Variants in KCNC3 observed in about 807,000 individuals in gnomAD.
KCNC3 encodes potassium voltage-gated channel subfamily C member 3, also known as voltage-gated potassium channel KCNC3.
A neutral mutation model predicts 43.9 loss-of-function variants in KCNC3; 22 were observed. That is an observed-to-expected ratio of 0.50 (90% CI 0.36 to 0.72). The LOEUF (loss-of-function observed/expected upper bound fraction) is 0.72, where lower values mean the gene tolerates loss of function less well. Among genes scored for constraint, KCNC3 ranks in the 30% least tolerant of loss-of-function variants. KCNC3 has a pLI of 0.00. For synonymous variants in KCNC3, 492 were observed against 488.0 expected (o/e 1.01, Z -0.11); for missense variants, 829 against 1,073.8 (o/e 0.77, Z 3.19).
In KCNC3 at chr19:50,328,495, C is replaced by T; in HGVS notation, c.588G>A (p.Glu196=). The T allele has an allele frequency of 6.2e-7, 1 of 1,610,074 alleles. No homozygotes were observed. Among genetic ancestry groups the T allele is most frequent in the Non-Finnish European group, 8.5e-7 (1 of 1,179,298 alleles). ...GCGCCTCGAAGGAGTCGAGCGCCTC[C>T]TCAGCGTCGCGATGCTGCCGGTAGG... is the stretch of plus-strand genomic sequence containing the variant. The part of the protein sequence containing the change: ...WMTYRQHRDA[E]EALDSFEAPD... Residue 196 remains glutamate (E), a synonymous_variant, in exon 1 of 5, where the codon GAG becomes GAA. Coordinates refer to ENST00000477616, the MANE Select transcript of KCNC3 (RefSeq NM_004977.3).
Position 50,320,599 on chromosome 19 carries a change from G to C in KCNC3, c.2164C>G (p.Arg722Gly), listed in dbSNP as rs746943393. The C allele has an allele frequency of 1.2e-6, 2 of 1,611,512 alleles. No homozygotes were observed. The highest frequency in any genetic ancestry group is 1.7e-6 in the Non-Finnish European group (2 of 1,179,502). The change falls in exon 3 of 5, where the codon CGA becomes GGA. Residue 722 changes from arginine (R) to glycine (G), a missense_variant. Coordinates refer to ENST00000477616, the MANE Select transcript of KCNC3 (RefSeq NM_004977.3). ...AGTAGGGGGGGCACCTCACCTTTTC[G>C]GATGGAGCCATCAGGGGAAGGGGCA... ...DYAPSPDGSI[R>G]KATGAPPLPP...
intron 2 of KCNC3, among the ~76,000 whole-genome samples, chr19:50,322,429 T>C (rs891824790): frequency 5.3e-5 from 8 of 152,252 alleles, no homozygotes; most frequent in Admixed American, 2.6e-4. Context: ...TGTCTGCCTC[T>C]TGGGCTTGCT....
chr19:50,316,109 C>G lies in KCNC3; in HGVS notation c.*24-18G>C, dbSNP rs2036949331. 1 of 398,826 alleles carries G rather than the reference C, an allele frequency of 2.5e-6. No individual in the cohort carries two copies. Among genetic ancestry groups the G allele is most frequent in the Non-Finnish European group, 4.6e-6 (1 of 216,616 alleles). 24.7% of individuals were successfully genotyped at this position (398,826 alleles called of 1,614,324 possible). A position where few individuals can be genotyped will look rare whatever the true frequency, so the allele number is the denominator to read the frequency against. On this transcript the variant is annotated intron_variant, in intron 4 of 4. Transcript: ENST00000477616. The stretch of plus-strand genomic sequence containing the variant: ...GACAAGAGCTGGGGACAGAAATACA[C>G]AGAGTCACGGGGGTGGGGAGAGGAT...
At position 50,312,763 on chromosome 19, in the gene KCNC3, G is replaced by A. The variant is rs116046797; in HGVS notation, c.*3352C>T. 0.077 allele frequency: 11,721 copies of A among 152,132 alleles called. 500 individuals carry two copies. The highest frequency in any genetic ancestry group is 0.11 in the African/African-American group (4,567 of 41,458). 9.4% of individuals were successfully genotyped at this position (152,132 alleles called of 1,614,324 possible). Reference sequence around the variant, plus strand: ...CCTTTCCCCGCCTCCTTCGGCTTTCGTGAAGGTCAGGGGAAACGGGGGGGC... The same window carrying A: ...CCTTTCCCCGCCTCCTTCGGCTTTCATGAAGGTCAGGGGAAACGGGGGGGC... On this transcript the variant is annotated 3_prime_UTR_variant, in exon 5 of 5. Transcript: ENST00000477616.
At position 50,313,724 on chromosome 19, in the gene KCNC3, G is replaced by T. The variant is rs893678445; in HGVS notation, c.*2391C>A. 1 of 152,246 alleles carries T rather than the reference G, an allele frequency of 6.6e-6. No homozygotes were observed. The highest frequency in any genetic ancestry group is 2.4e-5 in the African/African-American group (1 of 41,432). 9.4% of individuals were successfully genotyped at this position (152,246 alleles called of 1,614,324 possible). A position where few individuals can be genotyped will look rare whatever the true frequency, so the allele number is the denominator to read the frequency against. ...GGTGCGGAACAGGCCTGAGGCTTTG[G>T]GGGTGTCCAAGAAATGTCAGTTGTG... On this transcript the variant is annotated 3_prime_UTR_variant, in exon 5 of 5. Transcript: ENST00000477616.
intron 3 of KCNC3, 48 bp downstream of exon 3, chr19:50,320,545 G>A: frequency 6.4e-7 from 1 of 1,552,040 alleles, no homozygotes; most frequent in Non-Finnish European, 8.8e-7. Flanking sequence ...CCCTGGGCAG[G>A]GGAGAGAGAG....
upstream of KCNC3, among the ~76,000 whole-genome samples, chr19:50,331,866 T>C (rs895259131): frequency 5.3e-5 from 8 of 152,080 alleles, no homozygotes; most frequent in African/African-American, 1.9e-4. Context: ...TGGGTCTCCG[T>C]TCCTTTTTCT....
chr19:50,313,900 C>CCTCTGTG lies in KCNC3; in HGVS notation c.*2208_*2214dup, dbSNP rs1327462599. 1 of 151,858 alleles carries CCTCTGTG rather than the reference C, an allele frequency of 6.6e-6. No homozygotes were observed. Among genetic ancestry groups the CCTCTGTG allele is most frequent in the Admixed American group, 6.6e-5 (1 of 15,230 alleles). 9.4% of individuals were successfully genotyped at this position (151,858 alleles called of 1,614,324 possible). On this transcript the variant is annotated 3_prime_UTR_variant, in exon 5 of 5. Transcript: ENST00000477616. ...TGGGGAGGGAGGGTGGTTCAGGGAGCCTCTGTGTGCAGAGGTTAAGTCGCA... is the reference window on the plus strand; with the variant it reads ...TGGGGAGGGAGGGTGGTTCAGGGAGCCTCTGTGCTCTGTGTGCAGAGGTTAAGTCGCA...
upstream of KCNC3, among the ~76,000 whole-genome samples, chr19:50,333,148 G>GC (rs958609824): frequency 5.3e-5 from 8 of 152,114 alleles, no homozygotes; most frequent in Non-Finnish European, 1.0e-4. Flanking sequence ...CTGTCTTACC[G>GC]CCCCCGGACC....
Position 50,329,063 on chromosome 19 carries a change from A to G in KCNC3, c.20T>C (p.Val7Ala). 1 of 1,259,686 alleles carries G rather than the reference A, an allele frequency of 7.9e-7. No homozygotes were observed. The highest frequency in any genetic ancestry group is 1.0e-6 in the Non-Finnish European group (1 of 985,958). 78.0% of individuals were successfully genotyped at this position (1,259,686 alleles called of 1,614,324 possible). A position where few individuals can be genotyped will look rare whatever the true frequency, so the allele number is the denominator to read the frequency against. ...CCCCTGGCGCCCGCGGAAGGACGAG[A>G]CGCAGACTGAGCTCAGCATTGGACG... is the stretch of plus-strand genomic sequence containing the variant. MLSSVC[V>A]SSFRGRQGAS... Residue 7 changes from valine to alanine, a missense_variant, in exon 1 of 5, where the codon GTC becomes GCC. This residue lies in a region of KCNC3 where 129 missense variants were observed against 83.6 expected (regional missense o/e 1.54). Transcript: ENST00000477616.
rs2036929293 is a variant in KCNC3 at position 50,315,023 on chromosome 19, G to A, written c.*1092C>T. The A allele has an allele frequency of 4.0e-6, 1 of 248,954 alleles. No homozygotes were observed. The highest frequency in any genetic ancestry group is 3.6e-5 in the South Asian group (1 of 27,764). The allele number at this position is 248,954 out of a possible 1,614,324, so 15.4% of individuals were successfully genotyped here. A position where few individuals can be genotyped will look rare whatever the true frequency, so the allele number is the denominator to read the frequency against. On this transcript the variant is annotated 3_prime_UTR_variant, in exon 5 of 5. Coordinates refer to ENST00000477616, the MANE Select transcript of KCNC3 (RefSeq NM_004977.3). Reference sequence around the variant, plus strand: ...GTGGGGAGGTGTGCAGACACAGGGGGGAAGCACGAAGATGGGGTGCAGGGA... The same window carrying A: ...GTGGGGAGGTGTGCAGACACAGGGGAGAAGCACGAAGATGGGGTGCAGGGA...
In KCNC3 at chr19:50,314,950, C is replaced by T. The variant is rs1338645326; in HGVS notation, c.*1165G>A. The T allele has an allele frequency of 6.7e-6, 2 of 297,304 alleles. No homozygotes were observed. The highest frequency in any genetic ancestry group is 1.3e-5 in the Non-Finnish European group (2 of 152,532). The allele number at this position is 297,304 out of a possible 1,614,324, so 18.4% of individuals were successfully genotyped here. A position where few individuals can be genotyped will look rare whatever the true frequency, so the allele number is the denominator to read the frequency against. On this transcript the variant is annotated 3_prime_UTR_variant, in exon 5 of 5. Transcript: ENST00000477616. ...GCGCGAGGCGCAGGGACACCCCGCT[C>T]AGGCCCGCGATGCTGCTGAGGCTGC...
chr19:50,329,389 G>A (rs1202486277), upstream of KCNC3: 1 of 177,742 alleles, frequency 5.6e-6, no homozygotes, highest in Non-Finnish European at 1.2e-5. Flanking sequence ...ACTACTAATT[G>A]TGTTCGGCAG....
At chr19:50,319,123 C>T (rs920128881) in intron 4 of KCNC3, among the ~76,000 whole-genome samples, 15 of 151,898 alleles carry the variant, frequency 9.9e-5, no homozygotes, top group African/African-American at 3.6e-4. Flanking sequence ...AAATTCCTAG[C>T]ATGTGGTAGG....
Position 50,329,036 on chromosome 19 carries a change from G to GC in KCNC3, c.46dup (p.Ala16GlyfsTer85). On this transcript the variant is annotated frameshift_variant, in exon 1 of 5. Coordinates refer to ENST00000477616, the MANE Select transcript of KCNC3 (RefSeq NM_004977.3). LOFTEE classifies it high-confidence loss of function. Reference sequence around the variant, plus strand: ...CGGTGGCGCCGGCTGCTGCTTGCTGGCCCCCTGGCGCCCGCGGAAGGACGA... The same window carrying GC: ...CGGTGGCGCCGGCTGCTGCTTGCTGGCCCCCCTGGCGCCCGCGGAAGGACGA... 12 of 1,322,498 alleles carry GC rather than the reference G, an allele frequency of 9.1e-6. No individual in the cohort carries two copies. Among genetic ancestry groups the GC allele is most frequent in the Non-Finnish European group, 9.6e-6 (10 of 1,036,496 alleles). The allele number at this position is 1,322,498 out of a possible 1,614,324, so 81.9% of individuals were successfully genotyped here.
rs1162183977 is a variant in KCNC3 at position 50,315,621 on chromosome 19, T to A, written c.*494A>T. 9.4e-6 allele frequency: 1 copy of A among 106,640 alleles called. No individual in the cohort carries two copies. The highest frequency in any genetic ancestry group is 1.8e-5 in the Non-Finnish European group (1 of 54,874). The allele number at this position is 106,640 out of a possible 1,614,324, so 6.6% of individuals were successfully genotyped here. On this transcript the variant is annotated 3_prime_UTR_variant, in exon 5 of 5. Coordinates refer to ENST00000477616, the MANE Select transcript of KCNC3 (RefSeq NM_004977.3). ...CGAAGCTGGCAGTGCCCTTGGGGAA[T>A]CCGATGAGAACTCCAGGAGCAGTGG...
At chr19:50,325,688 G>A (rs2037095188) in intron 1 of KCNC3, among the ~76,000 whole-genome samples, 1 of 152,024 alleles carries the variant, frequency 6.6e-6, no homozygotes, top group Non-Finnish European at 1.5e-5. Flanking sequence ...CGGGCGCGCG[G>A]CGCTAGCTGC....
chr19:50,316,736 A>G (rs1315026359), intron 4 of KCNC3, among the ~76,000 whole-genome samples: 1 of 151,862 alleles, frequency 6.6e-6, no homozygotes, highest in Non-Finnish European at 1.5e-5. Flanking sequence ...ACCCCATTTC[A>G]AAAACAAAAA....
upstream of KCNC3, among the ~76,000 whole-genome samples, chr19:50,330,224 ACCACT>A (rs2037171192): frequency 6.6e-6 from 1 of 152,090 alleles, no homozygotes; most frequent in Admixed American, 6.6e-5. Flanking sequence ...TCGAGATCGC[ACCACT>A]CCACTCCAGC....
Sources: allele counts gnomAD v4.1 joint callset (sites outside exome capture counted in the v4.1 genomes callset), GRCh38; gene constraint gnomAD v4.1.1; regional missense constraint gnomAD v4.1.1; transcripts MANE v1.5; gene names NCBI Gene and HGNC (gene_info 2026-07-23, HGNC 2026-07-21).